The following CTNNA3 variants were observed in gnomAD, a reference collection of about 807,000 sequenced individuals.
The protein encoded by CTNNA3 is catenin alpha-3.
In CTNNA3, 76 loss-of-function variants were observed where a neutral mutation model predicts 95.7. The observed-to-expected ratio is 0.79, with a 90% CI of 0.66 to 0.96. The LOEUF (loss-of-function observed/expected upper bound fraction) is 0.96, where lower values mean the gene tolerates loss of function less well. Among genes scored for constraint, CTNNA3 ranks in the 40% least tolerant of loss-of-function variants. CTNNA3 has a pLI of 0.00. For missense variants in CTNNA3, 1,191 were observed against 1,089.8 expected, an observed-to-expected ratio of 1.09 and a Z score of -1.31; for synonymous variants, 431 against 374.4, an observed-to-expected ratio of 1.15 and a Z score of -1.74.
chr10:67,534,009 A>T (rs1195810122), intron 4 of CTNNA3, among the ~76,000 whole-genome samples: 1 of 152,122 alleles, frequency 6.6e-6, no homozygotes, highest in Admixed American at 6.5e-5. Flanking sequence ...GCTATGAAAT[A>T]AAGAACAAAA....
intron 9 of CTNNA3, among the ~76,000 whole-genome samples, chr10:66,709,253 G>A (rs147392409): frequency 5.5e-4 from 84 of 152,150 alleles, no homozygotes; most frequent in African/African-American, 1.9e-3. Flanking sequence ...AACAGTCCAC[G>A]GAATTTCCTG....
intron 13 of CTNNA3, among the ~76,000 whole-genome samples, chr10:66,261,099 C>T (rs2090980570): frequency 6.6e-6 from 1 of 152,030 alleles, no homozygotes; most frequent in African/African-American, 2.4e-5. Context: ...ATGTGAAGTT[C>T]CTGTCAGGTA....
chr10:67,623,237 T>C (rs1369580892), intron 2 of CTNNA3, among the ~76,000 whole-genome samples: 4 of 152,192 alleles, frequency 2.6e-5, no homozygotes, highest in Admixed American at 1.3e-4. Flanking sequence ...AACTGTTTTC[T>C]GAAAGAAACA....
At chr10:66,591,717 G>A (rs1843557312) in intron 10 of CTNNA3, among the ~76,000 whole-genome samples, 1 of 151,998 alleles carries the variant, frequency 6.6e-6, no homozygotes, top group African/African-American at 2.4e-5. Context: ...TGTCAGCAAT[G>A]ATAATGATGC....
intron 1 of CTNNA3, among the ~76,000 whole-genome samples, chr10:67,650,086 G>A (rs1176877707): frequency 2.0e-5 from 3 of 152,062 alleles, no homozygotes; most frequent in African/African-American, 4.8e-5. Flanking sequence ...TGATCCGCCC[G>A]CCTCACCCTC....
chr10:67,294,976 G>C (rs10823021), intron 5 of CTNNA3, among the ~76,000 whole-genome samples: 6,325 of 152,200 alleles, frequency 0.042, 155 homozygotes, highest in East Asian at 0.079. Context: ...TTGGTAAAAA[G>C]TGACACAATA....
intron 10 of CTNNA3, among the ~76,000 whole-genome samples, chr10:66,542,430 G>A (rs1339667803): frequency 4.6e-5 from 7 of 152,000 alleles, no homozygotes; most frequent in South Asian, 2.1e-4. Flanking sequence ...CTGTAAAGAC[G>A]CATCCACACA....
chr10:67,275,665 T>G (rs776232842), intron 5 of CTNNA3, among the ~76,000 whole-genome samples: 2 of 152,056 alleles, frequency 1.3e-5, no homozygotes, highest in Non-Finnish European at 2.9e-5. Flanking sequence ...TCAAAAAAAG[T>G]GGAACCAAAC....
chr10:67,462,590 T>G (rs539095418), intron 5 of CTNNA3, among the ~76,000 whole-genome samples: 36 of 152,320 alleles, frequency 2.4e-4, no homozygotes, highest in African/African-American at 8.7e-4. Context: ...TTGGCTCAGC[T>G]TGAATCTGGC....
intron 9 of CTNNA3, among the ~76,000 whole-genome samples, chr10:66,647,256 A>C (rs4746616): frequency 1.3e-5 from 2 of 151,886 alleles, no homozygotes; most frequent in African/African-American, 4.8e-5. Context: ...TAATCATTCC[A>C]TCATTAATTT....
rs183403268 is a variant in CTNNA3 at position 66,755,277 on chromosome 10, G to C, written c.1281+10987C>G. On this transcript the variant is annotated intron_variant, in intron 9 of 17. Coordinates refer to ENST00000433211, the MANE Select transcript of CTNNA3 (RefSeq NM_013266.4). ...AGAAAATGTGTAGAGATAGAAAGTA[G>C]GGCTTGAAAGTAGATTAATAGTTTG... 3.4e-3 allele frequency among the ~76,000 whole-genome samples: 512 copies of C among 152,208 alleles called. 4 individuals carry two copies. The highest frequency in any genetic ancestry group is 0.012 in the African/African-American group (488 of 41,540).
intron 13 of CTNNA3, among the ~76,000 whole-genome samples, chr10:66,195,021 T>C (rs2086880196): frequency 6.6e-6 from 1 of 152,204 alleles, no homozygotes; most frequent in African/African-American, 2.4e-5. Context: ...TCTGCATGCA[T>C]ACTTTCAAAA....
intron 7 of CTNNA3, among the ~76,000 whole-genome samples, chr10:67,128,142 T>C (rs937780228): frequency 6.6e-6 from 1 of 152,278 alleles, no homozygotes; most frequent in East Asian, 1.9e-4. Flanking sequence ...GTTAATTTTA[T>C]GTGTCAACTT....
At chr10:67,285,617 CACTTG>C (rs1284767616) in intron 5 of CTNNA3, among the ~76,000 whole-genome samples, 1 of 152,158 alleles carries the variant, frequency 6.6e-6, no homozygotes. Context: ...TTTAAAGTAA[CACTTG>C]TTTTGTAAAC....
At chr10:66,688,466 T>G (rs1847382269) in intron 9 of CTNNA3, among the ~76,000 whole-genome samples, 1 of 151,998 alleles carries the variant, frequency 6.6e-6, no homozygotes. Flanking sequence ...CCCCCAACAT[T>G]CCCGTAACTA....
chr10:65,978,434 T>G (rs1431333595), intron 16 of CTNNA3, among the ~76,000 whole-genome samples: 1 of 152,068 alleles, frequency 6.6e-6, no homozygotes, highest in Non-Finnish European at 1.5e-5. Flanking sequence ...GTAAGCATTT[T>G]TTTTTTTCCT....
At chr10:67,140,953 AAGAG>A (rs1159529292) in intron 7 of CTNNA3, among the ~76,000 whole-genome samples, 1 of 152,176 alleles carries the variant, frequency 6.6e-6, no homozygotes, top group Non-Finnish European at 1.5e-5. Flanking sequence ...GAAAGACATA[AAGAG>A]AATGAGGAAT....
chr10:66,489,830 A>C lies in CTNNA3; in HGVS notation c.1531+30787T>G, dbSNP rs187371817. 9.8e-5 allele frequency among the ~76,000 whole-genome samples: 15 copies of C among 152,292 alleles called. No individual in the cohort carries two copies. The East Asian group carries it at 2.9e-3, about 29-fold the overall frequency. ...AGGATGCTGGGGCAAGGGATTATGA[A>C]AGTCAGACGTAGACTACCATCACCT... On this transcript the variant is annotated intron_variant, in intron 11 of 17. Coordinates refer to ENST00000433211, the MANE Select transcript of CTNNA3 (RefSeq NM_013266.4).
intron 9 of CTNNA3, among the ~76,000 whole-genome samples, chr10:66,701,586 A>T (rs529480797): frequency 6.6e-6 from 1 of 152,194 alleles, no homozygotes; most frequent in Non-Finnish European, 1.5e-5. Context: ...TTTTATAGAC[A>T]TATTTCATAT....
Sources: gnomAD v4.1 joint callset for allele counts (sites outside exome capture counted in the v4.1 genomes callset) on GRCh38, gnomAD v4.1.1 for gene constraint, MANE v1.5 for transcripts, NCBI Gene and HGNC (gene_info 2026-07-23, HGNC 2026-07-21) for gene names.